Variants in NBAS observed in about 807,000 individuals in gnomAD.
The protein encoded by NBAS is NBAS subunit of NRZ tethering complex, also known as NAG/BC035112 fusion.
In NBAS, 219 loss-of-function variants were observed where a neutral mutation model predicts 302.5. The ratio of observed to expected loss-of-function variants is 0.72; its 90% CI spans 0.65 to 0.81. The LOEUF is 0.81. Ranked by LOEUF, NBAS falls within the 30% of genes least tolerant of loss-of-function variation. The probability of loss-of-function intolerance (pLI) is 0.00; values close to 1 mark genes in which losing one functional copy is unlikely to be tolerated. For missense variants in NBAS, 2,932 were observed against 2,841.6 expected (o/e 1.03, Z -0.72); for synonymous variants, 1,118 against 1,021.6 (o/e 1.09, Z -1.80).
the NBAS span, among the ~76,000 whole-genome samples, chr2:14,927,337 A>T: frequency 6.6e-6 from 1 of 152,212 alleles, no homozygotes; most frequent in African/African-American, 2.4e-5. Context: ...TTTGTTCTTT[A>T]TGACCGGCTT....
downstream of NBAS, among the ~76,000 whole-genome samples, chr2:15,166,190 G>T (rs914162580): frequency 6.6e-6 from 1 of 152,150 alleles, no homozygotes; most frequent in African/African-American, 2.4e-5. Context: ...TTTCCTAAGG[G>T]TGTTGCTATT....
chr2:15,186,705 G>T, intron 50 of NBAS, 37 bp downstream of exon 50: 1 of 1,613,364 alleles, frequency 6.2e-7, no homozygotes, highest in Non-Finnish European at 8.5e-7. Flanking sequence ...ATAAGCAAAG[G>T]CCACTCCTTA....
chr2:15,208,951 G>C (rs961018818), intron 48 of NBAS, among the ~76,000 whole-genome samples: 8 of 152,056 alleles, frequency 5.3e-5, no homozygotes, highest in African/African-American at 1.7e-4. Flanking sequence ...ATGAAGATCA[G>C]AGCAGAAATA....
At chr2:15,444,416 T>C (rs1470371070) in intron 21 of NBAS, among the ~76,000 whole-genome samples, 1 of 152,184 alleles carries the variant, frequency 6.6e-6, no homozygotes, top group East Asian at 1.9e-4. Context: ...GGATTCCCTA[T>C]TTAATAAATG....
the NBAS span, among the ~76,000 whole-genome samples, chr2:15,083,071 T>A: frequency 6.6e-6 from 1 of 152,194 alleles, no homozygotes; most frequent in Non-Finnish European, 1.5e-5. Flanking sequence ...TGGCAGTTAA[T>A]TAGGAGGAAA....
intron 38 of NBAS, among the ~76,000 whole-genome samples, chr2:15,313,226 C>A (rs1398427754): frequency 6.6e-6 from 1 of 152,182 alleles, no homozygotes; most frequent in Non-Finnish European, 1.5e-5. Context: ...AACTCTCTGC[C>A]TGTGCTCATG....
chr2:15,002,696 G>A, the NBAS span, among the ~76,000 whole-genome samples: 3 of 152,246 alleles, frequency 2.0e-5, no homozygotes, highest in Non-Finnish European at 2.9e-5. Context: ...AGGCAGCTAA[G>A]GCCCGGCCAG....
chr2:14,818,083 C>T, the NBAS span, among the ~76,000 whole-genome samples: 1 of 152,128 alleles, frequency 6.6e-6, no homozygotes, highest in Non-Finnish European at 1.5e-5. Context: ...CTGCACACAC[C>T]TCCACTCATC....
intron 44 of NBAS, among the ~76,000 whole-genome samples, chr2:15,257,816 T>C (rs577688423): frequency 2.1e-4 from 32 of 152,354 alleles, no homozygotes; most frequent in African/African-American, 7.5e-4. Flanking sequence ...TAAGTGAATC[T>C]GCTATGGCAA....
At chr2:15,449,534 A>G (rs1297149540) in intron 21 of NBAS, among the ~76,000 whole-genome samples, 3 of 152,168 alleles carry the variant, frequency 2.0e-5, no homozygotes, top group South Asian at 2.1e-4. Flanking sequence ...GCCCAAAAAA[A>G]CTACTCTGAA....
chr2:14,909,789 C>T, the NBAS span, among the ~76,000 whole-genome samples: 11 of 152,088 alleles, frequency 7.2e-5, no homozygotes, highest in Non-Finnish European at 1.5e-4. Flanking sequence ...ATGGGCACAG[C>T]GAGGTGCTAG....
chr2:15,241,307 G>C (rs1156815716), intron 44 of NBAS, among the ~76,000 whole-genome samples: 1 of 152,212 alleles, frequency 6.6e-6, no homozygotes, highest in African/African-American at 2.4e-5. Flanking sequence ...ATATGGAAGA[G>C]TTTCAAAAAC....
chr2:15,100,717 T>C, the NBAS span, among the ~76,000 whole-genome samples: 1 of 152,304 alleles, frequency 6.6e-6, no homozygotes, highest in South Asian at 2.1e-4. Context: ...GATCTGACCC[T>C]TCAAGGTAAA....
chr2:14,900,112 CTTT>C, the NBAS span, among the ~76,000 whole-genome samples: 1 of 140,624 alleles, frequency 7.1e-6, no homozygotes, highest in Admixed American at 7.1e-5. Context: ...AAGTCACATG[CTTT>C]TTTTTTTTTT....
At position 15,330,774 on chromosome 2, in the gene NBAS, A is replaced by C. The variant is rs1348058250; in HGVS notation, c.4180-9T>G. On this transcript the variant is annotated splice_polypyrimidine_tract_variant and intron_variant, in intron 35 of 51. Transcript: ENST00000281513. The stretch of plus-strand genomic sequence containing the variant: ...GGAACACCTACTTCATCCTGTATTA[A>C]AGAAACAAAATAGCAAGGGCAAAAA... The C allele has an allele frequency of 8.7e-6, 14 of 1,613,452 alleles. No individual in the cohort carries two copies. Among genetic ancestry groups the C allele is most frequent in the Admixed American group, 3.3e-5 (2 of 59,950 alleles).
intron 45 of NBAS, among the ~76,000 whole-genome samples, chr2:15,235,005 G>A (rs141138307): frequency 1.3e-5 from 2 of 152,302 alleles, no homozygotes; most frequent in East Asian, 3.9e-4. Flanking sequence ...ATGAGGTTGA[G>A]GAAAATAGGG....
chr2:15,400,564 A>C (rs1271136312), intron 26 of NBAS, among the ~76,000 whole-genome samples: 1 of 152,184 alleles, frequency 6.6e-6, no homozygotes, highest in Non-Finnish European at 1.5e-5. Flanking sequence ...ATTTTAAAGG[A>C]GGTAGGCAAA....
intron 21 of NBAS, among the ~76,000 whole-genome samples, chr2:15,448,913 T>C (rs1207635566): frequency 3.9e-5 from 6 of 152,176 alleles, no homozygotes; most frequent in Admixed American, 1.3e-4. Context: ...AAAAGAATTA[T>C]AGGGACTATT....
At chr2:15,377,939 T>C (rs919918296) in intron 30 of NBAS, among the ~76,000 whole-genome samples, 4 of 152,182 alleles carry the variant, frequency 2.6e-5, no homozygotes, top group Non-Finnish European at 5.9e-5. Context: ...ATAATTCCTA[T>C]CAAATAAAAT....
Sources: allele counts gnomAD v4.1 joint callset (sites outside exome capture counted in the v4.1 genomes callset), GRCh38; gene constraint gnomAD v4.1.1; transcripts MANE v1.5; gene names NCBI Gene and HGNC (gene_info 2026-07-23, HGNC 2026-07-21).